The following PSMD11 variants were observed in gnomAD, a reference collection of about 807,000 sequenced individuals.
PSMD11 encodes the protein proteasome 26S subunit, non-ATPase 11, also known as 26S proteasome non-ATPase regulatory subunit 11.
A neutral mutation model predicts 62.3 loss-of-function variants in PSMD11; 5 were observed. That is an observed-to-expected ratio of 0.08 (90% CI 0.04 to 0.17). The LOEUF is 0.17. PSMD11 is among the 10% of genes least tolerant of loss of function. The pLI is 1.00. For synonymous variants in PSMD11, 191 were observed against 191.8 expected (o/e 1.00, Z 0.03); for missense variants, 310 against 512.9 (o/e 0.60, Z 3.82).
chr17:32,466,781 C>T (rs1908004027), intron 5 of PSMD11, among the ~76,000 whole-genome samples: 1 of 152,138 alleles, frequency 6.6e-6, no homozygotes, highest in African/African-American at 2.4e-5. Context: ...TATGAGGGTT[C>T]CAATTTTTCC....
At chr17:32,461,716 G>A (rs1249606712) in intron 3 of PSMD11, among the ~76,000 whole-genome samples, 1 of 152,186 alleles carries the variant, frequency 6.6e-6, no homozygotes, top group Non-Finnish European at 1.5e-5. Context: ...GTAGAGTGCT[G>A]GAGTTAGGCA....
In PSMD11 at chr17:32,466,550, G is replaced by A. The variant is rs111944766; in HGVS notation, c.448+1972G>A. Among the ~76,000 whole-genome samples, 679 of 152,098 alleles carry A rather than the reference G, an allele frequency of 4.5e-3. 6 individuals carry two copies. The highest frequency in any genetic ancestry group is 0.015 in the African/African-American group (611 of 41,368). ...AGTCAATTGTAAGGATATATCACAT[G>A]TGTTTATCCATTCATCAGTTGATGG... is the stretch of plus-strand genomic sequence containing the variant. On this transcript the variant is annotated intron_variant, in intron 5 of 13. Coordinates refer to ENST00000261712, the MANE Select transcript of PSMD11 (RefSeq NM_002815.4).
intron 8 of PSMD11, among the ~76,000 whole-genome samples, chr17:32,475,578 C>T (rs1482239615): frequency 2.0e-5 from 3 of 151,030 alleles, no homozygotes; most frequent in African/African-American, 7.3e-5. Context: ...GATTTCTTCC[C>T]TCTCTACAAG....
At chr17:32,448,070 G>A (rs1338159254) in intron 2 of PSMD11, among the ~76,000 whole-genome samples, 3 of 151,926 alleles carry the variant, frequency 2.0e-5, no homozygotes, top group African/African-American at 4.8e-5. Context: ...TAATAGAGAC[G>A]AGGTTTCACT....
intron 2 of PSMD11, among the ~76,000 whole-genome samples, chr17:32,449,548 A>T (rs546223452): frequency 1.3e-5 from 2 of 152,170 alleles, no homozygotes; most frequent in Non-Finnish European, 2.9e-5. Flanking sequence ...TTCCTATTTT[A>T]TATGTATTCT....
In PSMD11 at chr17:32,454,632, A is replaced by G. The variant is rs1907598212; in HGVS notation, c.318+13A>G. ...TACAGGGCAGGAGGTAAGTGATATT[A>G]ATGACAGAAAGTAGACAATATGGAG... On this transcript the variant is annotated intron_variant, in intron 3 of 13. Transcript: ENST00000261712. The G allele has an allele frequency of 3.7e-6, 6 of 1,611,182 alleles. No individual in the cohort carries two copies. Among genetic ancestry groups the G allele is most frequent in the Non-Finnish European group, 5.1e-6 (6 of 1,178,902 alleles).
intron 3 of PSMD11, among the ~76,000 whole-genome samples, chr17:32,458,091 G>A (rs558254691): frequency 3.9e-5 from 6 of 152,216 alleles, no homozygotes; most frequent in African/African-American, 9.6e-5. Context: ...GAGCTACTGC[G>A]CCCAGCTGTG....
chr17:32,449,354 A>G (rs1194658189), intron 2 of PSMD11, among the ~76,000 whole-genome samples: 2 of 152,164 alleles, frequency 1.3e-5, no homozygotes, highest in Admixed American at 1.3e-4. Context: ...GTAGTGAGCT[A>G]TGGTCACACT....
rs572894706 is a variant in PSMD11 at position 32,444,513 on chromosome 17, A to AGAGC, written c.-9_-6dup. On this transcript the variant is annotated 5_prime_UTR_variant, in exon 1 of 14. Transcript: ENST00000261712. ...GGCGGCCGCGGCCGGGGACGGTGTG[A>AGAGC]GAGCGGTAAGATGGCGGCGGCGGCG... 3.1e-4 allele frequency: 498 copies of AGAGC among 1,586,660 alleles called. 1 individual carries two copies. The African/African-American group carries it at 5.8e-3, about 18-fold the overall frequency.
In PSMD11 at chr17:32,469,176, C is replaced by T; in HGVS notation, c.626C>T (p.Thr209Ile). 6.2e-7 allele frequency: 1 copy of T among 1,613,686 alleles called. No homozygotes were observed. The highest frequency in any genetic ancestry group is 8.5e-7 in the Non-Finnish European group (1 of 1,179,878). The change falls in exon 6 of 14, where the codon ACC (threonine) becomes ATC (isoleucine). Residue 209 changes from threonine to isoleucine, a missense_variant. Transcript: ENST00000261712. Reference protein sequence around the residue: ...AIYCPPKLQATLDMQSGIIHA... With the variant: ...AIYCPPKLQAILDMQSGIIHA... The stretch of plus-strand genomic sequence containing the variant: ...TACTGCCCCCCTAAATTGCAGGCCA[C>T]CTTGGACATGCAGTCGGGTAACAGA...
chr17:32,480,288 C>T, intron 12 of PSMD11, 91 bp downstream of exon 12: 1 of 1,543,074 alleles, frequency 6.5e-7, no homozygotes, highest in South Asian at 1.1e-5. Flanking sequence ...TATTTGTTTC[C>T]CCCGATGGTT....
chr17:32,446,548 G>A (rs1401127841), intron 1 of PSMD11, among the ~76,000 whole-genome samples: 1 of 152,118 alleles, frequency 6.6e-6, no homozygotes, highest in African/African-American at 2.4e-5. Flanking sequence ...TGGCATAAAC[G>A]CACAGGCATG....
rs1435134329 is a variant in PSMD11 at position 32,473,892 on chromosome 17, C to T, written c.735C>T (p.Pro245=). 6.8e-6 allele frequency: 11 copies of T among 1,614,210 alleles called. No individual in the cohort carries two copies. Among genetic ancestry groups the T allele is most frequent in the Middle Eastern group, 1.6e-4 (1 of 6,062 alleles). Residue 245 remains proline, a synonymous_variant, in exon 7 of 14, where the codon CCC becomes CCT. Transcript: ENST00000261712. ...AGGGTTATGACTCCATCGACAGCCC[C>T]AAGGCCATCACATCTCTGAAGTACA... ...AFEGYDSIDS[P]KAITSLKYML... is the part of the protein sequence containing the mutation.
In PSMD11 at chr17:32,481,078, G is replaced by C. The variant is rs1372501187; in HGVS notation, c.*326G>C. The C allele has an allele frequency of 6.4e-6, 1 of 155,516 alleles. No homozygotes were observed. The highest frequency in any genetic ancestry group is 2.4e-5 in the African/African-American group (1 of 41,432). The allele number at this position is 155,516 out of a possible 1,614,324, so 9.6% of individuals were successfully genotyped here. On this transcript the variant is annotated 3_prime_UTR_variant, in exon 14 of 14. Transcript: ENST00000261712. ...AGAGGGCCGCAAAGCCAGGCACCCC[G>C]CCAACCACTGGGGGTCCTAATCCAC...
At chr17:32,447,389 T>C in intron 2 of PSMD11, 1 of 164,894 alleles carries the variant, frequency 6.1e-6, no homozygotes, top group Non-Finnish European at 1.3e-5. Flanking sequence ...AGATAACAAC[T>C]TTAAGCGCCT....
intron 4 of PSMD11, 62 bp downstream of exon 4, chr17:32,464,182 C>A: frequency 7.1e-7 from 1 of 1,414,828 alleles, no homozygotes; most frequent in Non-Finnish European, 1.0e-6. Flanking sequence ...TGAATGTAAG[C>A]AGTACCATCC....
At chr17:32,470,057 G>T (rs1007872594) in intron 6 of PSMD11, among the ~76,000 whole-genome samples, 3 of 151,346 alleles carry the variant, frequency 2.0e-5, no homozygotes, top group Admixed American at 2.0e-4. Flanking sequence ...CTGTTGCCCA[G>T]GTTGGAGCAC....
intron 2 of PSMD11, among the ~76,000 whole-genome samples, chr17:32,448,044 C>G (rs991737596): frequency 2.0e-5 from 3 of 151,852 alleles, no homozygotes; most frequent in Non-Finnish European, 2.9e-5. Context: ...CCAAGCCTGG[C>G]TAATTTTTGT....
intron 5 of PSMD11, among the ~76,000 whole-genome samples, chr17:32,465,614 A>C (rs1372892737): frequency 6.6e-6 from 1 of 152,188 alleles, no homozygotes; most frequent in Non-Finnish European, 1.5e-5. Context: ...TTCACTTTTA[A>C]AGTGTATAAT....
Sources: allele counts gnomAD v4.1 joint callset (sites outside exome capture counted in the v4.1 genomes callset), GRCh38; gene constraint gnomAD v4.1.1; transcripts MANE v1.5; gene names NCBI Gene and HGNC (gene_info 2026-07-23, HGNC 2026-07-21).